Variants in PTTG1IP2 observed in about 807,000 individuals in gnomAD.
PTTG1IP2 encodes PTTG1IP family member 2.
intron 6 of PTTG1IP2, among the ~76,000 whole-genome samples, chr7:90,501,660 C>T (rs574955689): frequency 6.6e-6 from 1 of 152,150 alleles, no homozygotes. Flanking sequence ...CAGAGTGAGA[C>T]CTTGTCTCAA....
chr7:90,474,730 C>T (rs1382968909), intron 1 of PTTG1IP2, among the ~76,000 whole-genome samples: 1 of 152,202 alleles, frequency 6.6e-6, no homozygotes, highest in Non-Finnish European at 1.5e-5. Context: ...TCCCAGTCCT[C>T]ACCCACACCA....
At chr7:90,500,727 A>C (rs1268031193) in intron 6 of PTTG1IP2, among the ~76,000 whole-genome samples, 2 of 152,206 alleles carry the variant, frequency 1.3e-5, no homozygotes, top group Admixed American at 1.3e-4. Context: ...AACCATCATT[A>C]GATGTGGGAG....
At chr7:90,475,228 A>G (rs1406371388) in intron 1 of PTTG1IP2, among the ~76,000 whole-genome samples, 1 of 152,194 alleles carries the variant, frequency 6.6e-6, no homozygotes, top group Admixed American at 6.5e-5. Context: ...AATTGTGACT[A>G]TAGTCACACT....
chr7:90,493,793 G>A (rs1797964302), intron 5 of PTTG1IP2, among the ~76,000 whole-genome samples: 1 of 152,204 alleles, frequency 6.6e-6, no homozygotes, highest in African/African-American at 2.4e-5. Flanking sequence ...AAAGGGGTCT[G>A]AAGACGGAGG....
intron 6 of PTTG1IP2, among the ~76,000 whole-genome samples, chr7:90,500,451 T>C (rs1481736736): frequency 6.6e-6 from 1 of 151,886 alleles, no homozygotes. Flanking sequence ...GAGAATGGGA[T>C]GAGAGAAAGA....
At chr7:90,495,591 A>G (rs1285072504) in intron 6 of PTTG1IP2, among the ~76,000 whole-genome samples, 1 of 152,196 alleles carries the variant, frequency 6.6e-6, no homozygotes, top group Non-Finnish European at 1.5e-5. Flanking sequence ...CCATAATTCT[A>G]TGGCTTCTGA....
At chr7:90,497,744 A>AG in intron 6 of PTTG1IP2, among the ~76,000 whole-genome samples, 1 of 132,450 alleles carries the variant, frequency 7.6e-6, no homozygotes, top group South Asian at 2.4e-4. Flanking sequence ...AAAAAAAAAA[A>AG]GAAGAAGAAG....
At chr7:90,498,060 C>G (rs1341488886) in intron 6 of PTTG1IP2, among the ~76,000 whole-genome samples, 1 of 151,354 alleles carries the variant, frequency 6.6e-6, no homozygotes, top group African/African-American at 2.4e-5. Flanking sequence ...GAGTCTCGCT[C>G]TGTTGCCCAG....
At chr7:90,509,113 C>CTTT (rs34626171) in intron 6 of PTTG1IP2, among the ~76,000 whole-genome samples, 3 of 136,556 alleles carry the variant, frequency 2.2e-5, no homozygotes, top group African/African-American at 5.4e-5. Flanking sequence ...AATGTGAAGG[C>CTTT]TTTTTTTTTT....
intron 6 of PTTG1IP2, among the ~76,000 whole-genome samples, chr7:90,499,779 C>T (rs986600213): frequency 6.6e-6 from 1 of 152,006 alleles, no homozygotes; most frequent in African/African-American, 2.4e-5. Flanking sequence ...AAACGGGTTT[C>T]ATCATGTTGG....
intron 6 of PTTG1IP2, among the ~76,000 whole-genome samples, chr7:90,505,990 CAAAAAAAAAAAA>C (rs59521168): frequency 9.0e-5 from 7 of 77,358 alleles, no homozygotes; most frequent in African/African-American, 3.8e-4. Flanking sequence ...GACTCCGTCT[CAAAAAAAAAAAA>C]AAAAAAAAAA....
intron 1 of PTTG1IP2, among the ~76,000 whole-genome samples, chr7:90,477,684 A>G (rs551006284): frequency 3.3e-5 from 5 of 152,310 alleles, no homozygotes; most frequent in Admixed American, 3.3e-4. Context: ...GGATCTTGCA[A>G]AGGAGAAGGA....
chr7:90,480,473 A>C (rs1797803047), intron 2 of PTTG1IP2, among the ~76,000 whole-genome samples: 2 of 152,172 alleles, frequency 1.3e-5, no homozygotes, highest in Admixed American at 6.6e-5. Context: ...TATACCCCGA[A>C]GAGCCATCTT....
At chr7:90,513,018 G>A (rs2116143210) in intron 6 of PTTG1IP2, among the ~76,000 whole-genome samples, 1 of 152,340 alleles carries the variant, frequency 6.6e-6, no homozygotes, top group Non-Finnish European at 1.5e-5. Context: ...GTTGGCAGAA[G>A]GAAATAAATC....
chr7:90,494,966 C>T (rs774428449), intron 6 of PTTG1IP2, among the ~76,000 whole-genome samples: 14 of 152,074 alleles, frequency 9.2e-5, no homozygotes, highest in African/African-American at 1.4e-4. Flanking sequence ...GTTATGATTG[C>T]GCTACTGCAT....
At chr7:90,511,076 A>AT (rs58855206) in intron 6 of PTTG1IP2, among the ~76,000 whole-genome samples, 33,434 of 147,346 alleles carry the variant, frequency 0.23, 4,136 homozygotes, top group East Asian at 0.36. Flanking sequence ...CAAGGACAGT[A>AT]TTTTTTTTTT....
At chr7:90,485,557 C>A (rs1204305045) in intron 2 of PTTG1IP2, among the ~76,000 whole-genome samples, 2 of 152,172 alleles carry the variant, frequency 1.3e-5, no homozygotes, top group African/African-American at 4.8e-5. Flanking sequence ...GGCCAATAGT[C>A]CTATAATATA....
chr7:90,471,292 A>G (rs177667), intron 1 of PTTG1IP2, among the ~76,000 whole-genome samples: 85,096 of 152,058 alleles, frequency 0.56, 25,116 homozygotes, highest in East Asian at 0.91. Flanking sequence ...TCTATGTCCC[A>G]GATTGTGCCC....
At chr7:90,481,655 G>C (rs1335510813) in intron 2 of PTTG1IP2, among the ~76,000 whole-genome samples, 1 of 152,028 alleles carries the variant, frequency 6.6e-6, no homozygotes, top group Non-Finnish European at 1.5e-5. Context: ...CCTCCTTTTA[G>C]AGGAAGAATA....
Sources: allele counts gnomAD v4.1 joint callset (sites outside exome capture counted in the v4.1 genomes callset), GRCh38; gene constraint gnomAD v4.1.1; transcripts MANE v1.5; gene names NCBI Gene and HGNC (gene_info 2026-07-23, HGNC 2026-07-21).